MAGI2: variants seen among roughly 807,000 people sequenced by gnomAD.
MAGI2 encodes membrane-associated guanylate kinase, WW and PDZ domain-containing protein 2.
Under a neutral mutation model 133.3 loss-of-function variants are expected in MAGI2, and 35 were observed. The observed-to-expected ratio is 0.26, with a 90% CI of 0.20 to 0.35. The LOEUF is 0.35. Ranked by LOEUF, MAGI2 falls within the 10% of genes least tolerant of loss-of-function variation. The pLI is 1.00. For synonymous variants in MAGI2, 729 were observed against 710.6 expected (o/e 1.03, Z -0.41); for missense variants, 1,636 against 1,863.4 (o/e 0.88, Z 2.25).
intron 6 of MAGI2, among the ~76,000 whole-genome samples, chr7:78,472,775 T>C (rs746399161): frequency 2.0e-5 from 3 of 152,126 alleles, no homozygotes; most frequent in Non-Finnish European, 4.4e-5. Flanking sequence ...CATATGCTGT[T>C]GTTTGTGTTT....
chr7:78,750,297 T>C lies in MAGI2; in HGVS notation c.419-123058A>G, dbSNP rs902392749. Among the ~76,000 whole-genome samples, 8 of 152,286 alleles carry C rather than the reference T, an allele frequency of 5.3e-5. No individual in the cohort carries two copies. In the East Asian group the frequency reaches 1.5e-3, roughly 29 times the overall value. On this transcript the variant is annotated intron_variant, in intron 2 of 21. Transcript: ENST00000354212. The stretch of plus-strand genomic sequence containing the variant: ...AGTCTATCATTGATGGGTATTTGGG[T>C]TGGTTCCAAGTCTTTGCTATTGTGA...
chr7:78,364,386 A>G (rs1002264743), intron 7 of MAGI2, among the ~76,000 whole-genome samples: 4 of 152,330 alleles, frequency 2.6e-5, no homozygotes, highest in Admixed American at 6.5e-5. Flanking sequence ...CCAACTTGCT[A>G]CCTCATGATG....
intron 10 of MAGI2, among the ~76,000 whole-genome samples, chr7:78,207,186 G>A (rs2150782158): frequency 6.6e-6 from 1 of 152,144 alleles, no homozygotes; most frequent in South Asian, 2.1e-4. Flanking sequence ...TGGAAGACAG[G>A]AAACTCACCT....
chr7:78,797,518 A>G (rs1787713934), intron 2 of MAGI2, among the ~76,000 whole-genome samples: 3 of 149,610 alleles, frequency 2.0e-5, no homozygotes, highest in Non-Finnish European at 4.4e-5. Flanking sequence ...GTGTTTCTTT[A>G]TTATGTGAAT....
chr7:79,386,645 T>C (rs909720510), intron 1 of MAGI2, among the ~76,000 whole-genome samples: 1 of 152,096 alleles, frequency 6.6e-6, no homozygotes, highest in Admixed American at 6.6e-5. Flanking sequence ...TAATCTCCTC[T>C]CATGCTTAGG....
intron 2 of MAGI2, among the ~76,000 whole-genome samples, chr7:78,701,452 T>C (rs1460882637): frequency 1.3e-5 from 2 of 151,980 alleles, no homozygotes; most frequent in African/African-American, 4.8e-5. Flanking sequence ...CCACAGTTTT[T>C]AAATACATTT....
At chr7:78,450,934 T>C (rs2110869) in intron 6 of MAGI2, among the ~76,000 whole-genome samples, 117,848 of 152,054 alleles carry the variant, frequency 0.78, 47,493 homozygotes, top group East Asian at 0.95. Context: ...TGAACCATGA[T>C]ACATGTTGTA....
intron 3 of MAGI2, among the ~76,000 whole-genome samples, chr7:78,586,008 T>C (rs1803360680): frequency 6.6e-6 from 1 of 152,160 alleles, no homozygotes; most frequent in Admixed American, 6.5e-5. Context: ...CTATTTTAGG[T>C]AGACAAAGTA....
intron 16 of MAGI2, among the ~76,000 whole-genome samples, chr7:78,156,609 C>T (rs982989914): frequency 7.2e-5 from 11 of 151,888 alleles, no homozygotes; most frequent in Non-Finnish European, 8.8e-5. Flanking sequence ...TTCTTCACAC[C>T]GAGGAAACTG....
intron 3 of MAGI2, among the ~76,000 whole-genome samples, chr7:78,536,182 G>T (rs1023682569): frequency 4.0e-5 from 5 of 123,868 alleles, no homozygotes; most frequent in African/African-American, 6.1e-5. Flanking sequence ...GCGGGATCTC[G>T]GCTCACTGCA....
At chr7:78,962,887 G>C (rs1246845443) in intron 2 of MAGI2, among the ~76,000 whole-genome samples, 1 of 151,900 alleles carries the variant, frequency 6.6e-6, no homozygotes, top group Non-Finnish European at 1.5e-5. Context: ...CTAATAATGA[G>C]TTTAACTGGA....
At chr7:78,195,086 G>T in intron 11 of MAGI2, 23 bp from the exon 12 acceptor site, 1 of 1,547,608 alleles carries the variant, frequency 6.5e-7, no homozygotes, top group Non-Finnish European at 8.7e-7. Context: ...AGAGGACAGA[G>T]AAAATGACTG....
chr7:79,198,865 G>C (rs1020177431), intron 1 of MAGI2, among the ~76,000 whole-genome samples: 2 of 151,984 alleles, frequency 1.3e-5, no homozygotes, highest in Non-Finnish European at 2.9e-5. Flanking sequence ...TCTAGGCTGG[G>C]TGACAGAATG....
intron 2 of MAGI2, among the ~76,000 whole-genome samples, chr7:78,777,361 G>C (rs1335241345): frequency 6.6e-6 from 1 of 152,128 alleles, no homozygotes; most frequent in Non-Finnish European, 1.5e-5. Flanking sequence ...CCTCATATCA[G>C]TTGTATAGTT....
At chr7:78,085,549 C>CT (rs1554441586) in intron 20 of MAGI2, among the ~76,000 whole-genome samples, 23 of 118,054 alleles carry the variant, frequency 1.9e-4, no homozygotes, top group African/African-American at 1.6e-4. Context: ...TAATAAAACT[C>CT]CCACACACAC....
At chr7:78,399,868 C>T (rs1285674933) in intron 6 of MAGI2, among the ~76,000 whole-genome samples, 3 of 139,124 alleles carry the variant, frequency 2.2e-5, no homozygotes, top group Admixed American at 1.4e-4. Context: ...AGCGCATGAA[C>T]ACAGCTCAAT....
chr7:78,639,281 T>C (rs1430951416), intron 2 of MAGI2, among the ~76,000 whole-genome samples: 1 of 152,194 alleles, frequency 6.6e-6, no homozygotes, highest in Non-Finnish European at 1.5e-5. Flanking sequence ...TATCCAGGGA[T>C]TTCAATTATA....
intron 2 of MAGI2, among the ~76,000 whole-genome samples, chr7:78,629,810 G>C (rs896081287): frequency 6.6e-6 from 1 of 152,030 alleles, no homozygotes; most frequent in Non-Finnish European, 1.5e-5. Context: ...TCTTGGTAAA[G>C]AGACAATCTG....
chr7:79,075,163 T>G (rs1815350677), intron 1 of MAGI2, among the ~76,000 whole-genome samples: 1 of 151,048 alleles, frequency 6.6e-6, no homozygotes, highest in Admixed American at 6.6e-5. Context: ...TAAATCAGTC[T>G]TTTTCAGAAG....
Sources: allele counts gnomAD v4.1 joint callset (sites outside exome capture counted in the v4.1 genomes callset), GRCh38; gene constraint gnomAD v4.1.1; transcripts MANE v1.5; gene names NCBI Gene and HGNC (gene_info 2026-07-23, HGNC 2026-07-21).